The following AFDN variants were observed in gnomAD, a reference collection of about 807,000 sequenced individuals.
AFDN encodes the protein afadin, adherens junction formation factor.
Under a neutral mutation model 216.6 loss-of-function variants are expected in AFDN, and 68 were observed. The ratio of observed to expected loss-of-function variants is 0.31; its 90% CI spans 0.26 to 0.38. The LOEUF is 0.38. Ranked by LOEUF, AFDN falls within the 10% of genes least tolerant of loss-of-function variation. The probability of loss-of-function intolerance (pLI) is 1.00; values close to 1 mark genes in which losing one functional copy is unlikely to be tolerated. For missense variants in AFDN, 2,136 were observed against 2,342.0 expected (o/e 0.91, Z 1.82); for synonymous variants, 868 against 853.7 (o/e 1.02, Z -0.29).
chr6:167,892,179 G>C (rs181978491), intron 8 of AFDN, among the ~76,000 whole-genome samples: 13 of 152,142 alleles, frequency 8.5e-5, no homozygotes, highest in African/African-American at 3.1e-4. Context: ...ACCTAATTAT[G>C]CTTCAGGACT....
chr6:167,863,737 G>T, intron 1 of AFDN: 1 of 517,152 alleles, frequency 1.9e-6, no homozygotes, highest in South Asian at 1.4e-5. Context: ...AGCCCACATT[G>T]CAGTAGATGA....
At chr6:167,892,525 A>T (rs1787741676) in intron 8 of AFDN, among the ~76,000 whole-genome samples, 1 of 152,188 alleles carries the variant, frequency 6.6e-6, no homozygotes, top group South Asian at 2.1e-4. Flanking sequence ...AAGAGTGTTG[A>T]GTTCTGAGAG....
intron 18 of AFDN, 43 bp from the exon 19 acceptor site, chr6:167,915,125 G>A (rs778747457): frequency 2.5e-6 from 4 of 1,601,588 alleles, no homozygotes; most frequent in Non-Finnish European, 3.4e-6. Context: ...CTTCTTCCTG[G>A]ATGACATTTT....
At chr6:167,955,722 A>G (rs1796435924) in intron 30 of AFDN, among the ~76,000 whole-genome samples, 1 of 152,202 alleles carries the variant, frequency 6.6e-6, no homozygotes. Flanking sequence ...TTTCTTTAGA[A>G]GATAATTATT....
Position 167,965,752 on chromosome 6 carries a change from C to T in AFDN, c.4969-5C>T, listed in dbSNP as rs1274088132. On this transcript the variant is annotated splice_polypyrimidine_tract_variant and splice_region_variant and intron_variant, in intron 31 of 33. Transcript: ENST00000683244. ...CTTTGCACTCTTGTCTATTCCCGCC[C>T]GCAGAGGCGACAGGAAGAAGGGTAT... 8.5e-6 allele frequency: 13 copies of T among 1,529,506 alleles called. No individual in the cohort carries two copies. Among genetic ancestry groups the T allele is most frequent in the South Asian group, 4.0e-5 (3 of 75,670 alleles). The allele number at this position is 1,529,506 out of a possible 1,614,324, so 94.7% of individuals were successfully genotyped here.
chr6:167,872,294 AAAG>A lies in AFDN; in HGVS notation c.499_501del (p.Lys167del). 6.2e-7 allele frequency: 1 copy of A among 1,614,080 alleles called. No homozygotes were observed. The highest frequency in any genetic ancestry group is 8.5e-7 in the Non-Finnish European group (1 of 1,179,974). On this transcript the variant is annotated inframe_deletion, in exon 4 of 34. Coordinates refer to ENST00000683244, the MANE Select transcript of AFDN (RefSeq NM_001386888.1). ...TCAAGAGAACTCTCTCAAAGAAAGA[AAAG>A]AAGGAAAAAAAGAAGAGAGAAAAAG...
At chr6:167,833,872 G>T (rs1276238113) in intron 1 of AFDN, among the ~76,000 whole-genome samples, 1 of 152,012 alleles carries the variant, frequency 6.6e-6, no homozygotes, top group Non-Finnish European at 1.5e-5. Flanking sequence ...ATAGATTGAG[G>T]ACATATCTTT....
At chr6:167,969,690 A>T in intron 33 of AFDN, 92 bp from the exon 34 acceptor site, 1 of 1,246,476 alleles carries the variant, frequency 8.0e-7, no homozygotes, top group East Asian at 2.4e-5. Flanking sequence ...GAATGAGTGA[A>T]AATTTTAATC....
intron 1 of AFDN, among the ~76,000 whole-genome samples, chr6:167,843,704 C>CT (rs1781325029): frequency 6.6e-6 from 1 of 151,360 alleles, no homozygotes; most frequent in Non-Finnish European, 1.5e-5. Context: ...AATAGGATAA[C>CT]TTACAGCAAA....
chr6:167,950,398 C>CTGTGTGTG (rs3839648), intron 29 of AFDN, among the ~76,000 whole-genome samples: 1 of 148,910 alleles, frequency 6.7e-6, no homozygotes, highest in African/African-American at 2.5e-5. Context: ...TTCTCTGTGT[C>CTGTGTGTG]TGTGTGTGTG....
chr6:167,835,531 T>C (rs1780330216), intron 1 of AFDN, among the ~76,000 whole-genome samples: 1 of 152,220 alleles, frequency 6.6e-6, no homozygotes, highest in African/African-American at 2.4e-5. Context: ...CAAAGAAACG[T>C]ACTCAATTTT....
chr6:167,866,819 G>A (rs1784239792), intron 2 of AFDN, among the ~76,000 whole-genome samples: 1 of 152,192 alleles, frequency 6.6e-6, no homozygotes, highest in Non-Finnish European at 1.5e-5. Flanking sequence ...TTGGTGTCTG[G>A]CACATGCACC....
At chr6:167,955,079 A>G (rs1231350797) in intron 30 of AFDN, among the ~76,000 whole-genome samples, 1 of 152,148 alleles carries the variant, frequency 6.6e-6, no homozygotes, top group Non-Finnish European at 1.5e-5. Flanking sequence ...TCATTGTCAT[A>G]TTGGGGAAGT....
intron 31 of AFDN, chr6:167,963,964 A>C: frequency 9.4e-7 from 1 of 1,064,580 alleles, no homozygotes; most frequent in Non-Finnish European, 1.1e-6. Flanking sequence ...CACAGTGCCC[A>C]TTGCTATAGC....
intron 18 of AFDN, 48 bp from the exon 19 acceptor site, chr6:167,915,120 T>G: frequency 6.3e-7 from 1 of 1,597,678 alleles, no homozygotes; most frequent in Non-Finnish European, 8.5e-7. Context: ...AAAGGCTTCT[T>G]CCTGGATGAC....
Position 167,911,310 on chromosome 6 carries a change from A to G in AFDN, c.1858A>G (p.Ile620Val), listed in dbSNP as rs1321661199. Residue 620 changes from isoleucine (I) to valine (V), a missense_variant, in exon 15 of 34, where the codon ATA (isoleucine) becomes GTA (valine). Around this residue, in one of 8 missense-constraint regions of AFDN, gnomAD observed 817 missense variants for 965.7 expected, o/e 0.85. Coordinates refer to ENST00000683244, the MANE Select transcript of AFDN (RefSeq NM_001386888.1). ...TGAAGATTCATTTTTGTCTGCCATTATAAATTATACTAATAGCTCTACAGT... is the reference window on the plus strand; with the variant it reads ...TGAAGATTCATTTTTGTCTGCCATTGTAAATTATACTAATAGCTCTACAGT... ...SSEDSFLSAIINYTNSSTVHF... is the reference protein window; with the variant it reads ...SSEDSFLSAIVNYTNSSTVHF... The G allele has an allele frequency of 6.2e-6, 10 of 1,613,846 alleles. No individual in the cohort carries two copies. The highest frequency in any genetic ancestry group is 8.5e-6 in the Non-Finnish European group (10 of 1,179,908).
intron 2 of AFDN, among the ~76,000 whole-genome samples, chr6:167,867,399 T>C (rs557463849): frequency 6.5e-4 from 99 of 152,206 alleles, no homozygotes; most frequent in African/African-American, 2.3e-3. Flanking sequence ...ATTTCTATTG[T>C]TTCTATTACG....
chr6:167,947,406 C>T lies in AFDN; in HGVS notation c.3554-447C>T, dbSNP rs201302362. On this transcript the variant is annotated intron_variant, in intron 27 of 33. Coordinates refer to ENST00000683244, the MANE Select transcript of AFDN (RefSeq NM_001386888.1). ...ATGTTAGCCAGGATGGTCTCGATCT[C>T]CTGACCTCGTGATCTGCCCGCCTTG... Among the ~76,000 whole-genome samples, 26 of 152,204 alleles carry T rather than the reference C, an allele frequency of 1.7e-4. 1 individual carries two copies. The East Asian group carries it at 5.0e-3, about 29-fold the overall frequency.
chr6:167,915,175 G>C lies in AFDN; in HGVS notation c.2307G>C (p.Val769=). The change falls in exon 19 of 34, where the codon GTG becomes GTC. Residue 769 remains valine, a synonymous_variant. Coordinates refer to ENST00000683244, the MANE Select transcript of AFDN (RefSeq NM_001386888.1). ...NSLQRPKIDD[V]LHTLTGAMSL... ...CTCACCCTGTCTGGGCAGATGATGT[G>C]CTGCACACGCTCACAGGAGCCATGT... 7 of 1,614,034 alleles carry C rather than the reference G, an allele frequency of 4.3e-6. No individual in the cohort carries two copies. Among genetic ancestry groups the C allele is most frequent in the Non-Finnish European group, 5.9e-6 (7 of 1,180,026 alleles).
Sources: allele counts gnomAD v4.1 joint callset (sites outside exome capture counted in the v4.1 genomes callset), GRCh38; gene constraint gnomAD v4.1.1; regional missense constraint gnomAD v4.1.1; transcripts MANE v1.5; gene names NCBI Gene and HGNC (gene_info 2026-07-23, HGNC 2026-07-21).